The following ZNF561 variants were observed in gnomAD, a reference collection of about 807,000 sequenced individuals.
ZNF561 encodes zinc finger protein 561.
Under a neutral mutation model 16.7 loss-of-function variants are expected in ZNF561, and 16 were observed. The ratio of observed to expected loss-of-function variants is 0.96; its 90% CI spans 0.65 to 1.45. The LOEUF (loss-of-function observed/expected upper bound fraction) is 1.45. ZNF561 is among the 40% of genes most tolerant of loss of function. The pLI is 0.00. For synonymous variants in ZNF561, 190 were observed against 192.1 expected (o/e 0.99, Z 0.09); for missense variants, 580 against 578.0 (o/e 1.00, Z -0.04).
chr19:9,616,678 G>A (rs918545173), intron 4 of ZNF561, among the ~76,000 whole-genome samples: 30 of 151,086 alleles, frequency 2.0e-4, no homozygotes, highest in African/African-American at 6.6e-4. Flanking sequence ...TGCAAGATCC[G>A]CCTCCCGGGT....
intron 5 of ZNF561, among the ~76,000 whole-genome samples, chr19:9,612,061 G>A (rs931411098): frequency 6.6e-6 from 1 of 152,122 alleles, no homozygotes; most frequent in African/African-American, 2.4e-5. Context: ...CTGAGTAGCT[G>A]GGATTACAGG....
intron 5 of ZNF561, among the ~76,000 whole-genome samples, chr19:9,613,596 G>A (rs1000193576): frequency 6.6e-6 from 1 of 151,954 alleles, no homozygotes; most frequent in African/African-American, 2.4e-5. Flanking sequence ...TCAGCTCATT[G>A]CAACCTCTGC....
rs1011228718 is a variant in ZNF561 at position 9,617,936 on chromosome 19, T to C, written c.114+155A>G. 2.3e-5 allele frequency: 16 copies of C among 702,396 alleles called. No homozygotes were observed. In the Admixed American group the frequency reaches 3.0e-4, roughly 13 times the overall value. The allele number at this position is 702,396 out of a possible 1,614,324, so 43.5% of individuals were successfully genotyped here. On this transcript the variant is annotated intron_variant, in intron 3 of 5. Coordinates refer to ENST00000302851, the MANE Select transcript of ZNF561 (RefSeq NM_152289.3). Reference sequence around the variant, plus strand: ...AGTTAACATTTTATGTATAGGAGACTTCATTCCCTGGGGAAATTCATCTGG... The same window carrying C: ...AGTTAACATTTTATGTATAGGAGACCTCATTCCCTGGGGAAATTCATCTGG...
rs2074406729 is a variant in ZNF561 at position 9,609,445 on chromosome 19, TG to T, written c.*754del. The T allele has an allele frequency of 1.3e-5, 2 of 152,222 alleles. No homozygotes were observed. Among genetic ancestry groups the T allele is most frequent in the South Asian group, 4.1e-4 (2 of 4,832 alleles). 9.4% of individuals were successfully genotyped at this position (152,222 alleles called of 1,614,324 possible). Reference sequence around the variant, plus strand: ...AAAAAGGAACCAGAACTTGGAGATTTGGAAAATTCTCAGCCTATCCATAATG... The same window carrying T: ...AAAAAGGAACCAGAACTTGGAGATTTGAAAATTCTCAGCCTATCCATAATG... On this transcript the variant is annotated 3_prime_UTR_variant, in exon 6 of 6. Coordinates refer to ENST00000302851, the MANE Select transcript of ZNF561 (RefSeq NM_152289.3).
chr19:9,617,806 C>G (rs2074585223), intron 3 of ZNF561: 1 of 494,068 alleles, frequency 2.0e-6, no homozygotes. Context: ...ACACTTTCAT[C>G]TGCTTTATCA....
chr19:9,620,560 C>T (rs1175938356), intron 1 of ZNF561, among the ~76,000 whole-genome samples: 3 of 152,184 alleles, frequency 2.0e-5, no homozygotes, highest in Admixed American at 2.0e-4. Flanking sequence ...AAAACCTACA[C>T]TCAAACAACC....
intron 5 of ZNF561, among the ~76,000 whole-genome samples, 173 bp downstream of exon 5, chr19:9,613,848 T>C (rs1402931147): frequency 1.3e-5 from 2 of 152,190 alleles, no homozygotes; most frequent in African/African-American, 2.4e-5. Context: ...GATCTTACTA[T>C]ACTGCCTAGG....
intron 5 of ZNF561, among the ~76,000 whole-genome samples, chr19:9,611,837 G>A (rs1245349031): frequency 1.3e-5 from 2 of 152,126 alleles, no homozygotes; most frequent in East Asian, 3.9e-4. Context: ...CAAACTCCTG[G>A]CTGAGTTCAA....
chr19:9,617,400 T>A (rs904455228), intron 3 of ZNF561: 10 of 973,102 alleles, frequency 1.0e-5, no homozygotes, highest in Non-Finnish European at 1.3e-5. Context: ...AATCTTTTTT[T>A]GCTGATCTAT....
At chr19:9,615,023 A>C (rs1266355828) in intron 4 of ZNF561, among the ~76,000 whole-genome samples, 1 of 151,918 alleles carries the variant, frequency 6.6e-6, no homozygotes, top group Non-Finnish European at 1.5e-5. Flanking sequence ...TATTTTTAGT[A>C]GAGATGGGGT....
chr19:9,610,914 T>C lies in ZNF561; in HGVS notation c.747A>G (p.Gly249=). The C allele has an allele frequency of 6.2e-7, 1 of 1,614,194 alleles. No homozygotes were observed. The highest frequency in any genetic ancestry group is 8.5e-7 in the Non-Finnish European group (1 of 1,180,030). Residue 249 remains glycine (G), a synonymous_variant, in exon 6 of 6, where the codon GGA becomes GGG. Transcript: ENST00000302851. ...HLKQCVAVHT[G]KKSKKTKKCG... is the part of the protein sequence containing the mutation. ...ATTTCTTAGTCTTTTTGGATTTCTT[T>C]CCTGTATGAACTGCTACACACTGCT...
chr19:9,618,444 C>T (rs2074598671), intron 2 of ZNF561, among the ~76,000 whole-genome samples: 1 of 152,088 alleles, frequency 6.6e-6, no homozygotes. Context: ...ATGTGACTCT[C>T]GTCCAGGTGC....
chr19:9,610,539 G>A lies in ZNF561; in HGVS notation c.1122C>T (p.Phe374=). The A allele has an allele frequency of 1.2e-6, 2 of 1,613,944 alleles. No homozygotes were observed. Among genetic ancestry groups the A allele is most frequent in the Non-Finnish European group, 1.7e-6 (2 of 1,179,872 alleles). The change falls in exon 6 of 6, where the codon TTC becomes TTT. Residue 374 remains phenylalanine (F), a synonymous_variant. Coordinates refer to ENST00000302851, the MANE Select transcript of ZNF561 (RefSeq NM_152289.3). ...GCTGAATAAGACTTGTGGATGTAGT[G>A]AAGGCTTTCCCACATTCCTTACACT... is the stretch of plus-strand genomic sequence containing the variant. ...PYQCKECGKA[F]TTSTSLIQHT...
chr19:9,610,546 T>C lies in ZNF561; in HGVS notation c.1115A>G (p.Lys372Arg). 1 of 1,613,958 alleles carries C rather than the reference T, an allele frequency of 6.2e-7. No homozygotes were observed. ...AAGACTTGTGGATGTAGTGAAGGCTTTCCCACATTCCTTACACTGATAGGG... is the reference window on the plus strand; with the variant it reads ...AAGACTTGTGGATGTAGTGAAGGCTCTCCCACATTCCTTACACTGATAGGG... ...KKPYQCKECG[K>R]AFTTSTSLIQ... Residue 372 changes from lysine to arginine, a missense_variant, in exon 6 of 6, where the codon AAA becomes AGA. Coordinates refer to ENST00000302851, the MANE Select transcript of ZNF561 (RefSeq NM_152289.3).
Position 9,609,432 on chromosome 19 carries a change from G to C in ZNF561, c.*768C>G, listed in dbSNP as rs2074406329. 6.6e-6 allele frequency: 1 copy of C among 152,192 alleles called. No homozygotes were observed. The highest frequency in any genetic ancestry group is 6.5e-5 in the Admixed American group (1 of 15,276). The allele number at this position is 152,192 out of a possible 1,614,324, so 9.4% of individuals were successfully genotyped here. On this transcript the variant is annotated 3_prime_UTR_variant, in exon 6 of 6. Transcript: ENST00000302851. ...AAAATTGTTAAGGAAAAAGGAACCA[G>C]AACTTGGAGATTTGGAAAATTCTCA...
chr19:9,619,507 T>C lies in ZNF561; in HGVS notation c.-51A>G, dbSNP rs939222505. 1 of 1,606,700 alleles carries C rather than the reference T, an allele frequency of 6.2e-7. No homozygotes were observed. The highest frequency in any genetic ancestry group is 1.1e-5 in the South Asian group (1 of 90,768). On this transcript the variant is annotated 5_prime_UTR_variant, in exon 2 of 6. Coordinates refer to ENST00000302851, the MANE Select transcript of ZNF561 (RefSeq NM_152289.3). Reference sequence around the variant, plus strand: ...GTGCATCCCTTCCTTGATGCCAAGATCACCTCAGGCCAGCTTATGAATCTA... The same window carrying C: ...GTGCATCCCTTCCTTGATGCCAAGACCACCTCAGGCCAGCTTATGAATCTA...
Position 9,610,625 on chromosome 19 carries a change from A to G in ZNF561, c.1036T>C (p.Phe346Leu). Reference sequence around the variant, plus strand: ...ATAGAAAGGCCCGAGTACTGAGCAAAGGCTTGGCCACATTCCTTACATTCA... The same window carrying G: ...ATAGAAAGGCCCGAGTACTGAGCAAGGGCTTGGCCACATTCCTTACATTCA... Reference protein sequence around the residue: ...PYECKECGQAFAQYSGLSIHI... With the variant: ...PYECKECGQALAQYSGLSIHI... Residue 346 changes from phenylalanine (F) to leucine (L), a missense_variant, in exon 6 of 6, where the codon TTT becomes CTT. By Grantham distance (22) the Phe-to-Leu change is conservative. Transcript: ENST00000302851. 2 of 1,613,984 alleles carry G rather than the reference A, an allele frequency of 1.2e-6. No homozygotes were observed. The highest frequency in any genetic ancestry group is 1.7e-6 in the Non-Finnish European group (2 of 1,179,928).
In ZNF561 at chr19:9,610,038, G is replaced by C; in HGVS notation, c.*162C>G. The stretch of plus-strand genomic sequence containing the variant: ...CCTTCTTCACAGATGCCCAGACTCA[G>C]GCAACCATGATGTTGTATTCAGAAC... On this transcript the variant is annotated 3_prime_UTR_variant, in exon 6 of 6. Coordinates refer to ENST00000302851, the MANE Select transcript of ZNF561 (RefSeq NM_152289.3). 1 of 644,988 alleles carries C rather than the reference G, an allele frequency of 1.6e-6. No individual in the cohort carries two copies. The highest frequency in any genetic ancestry group is 2.6e-6 in the Non-Finnish European group (1 of 390,214). 40.0% of individuals were successfully genotyped at this position (644,988 alleles called of 1,614,324 possible).
chr19:9,612,233 T>C (rs1307753484), intron 5 of ZNF561, among the ~76,000 whole-genome samples: 1 of 151,024 alleles, frequency 6.6e-6, no homozygotes, highest in Non-Finnish European at 1.5e-5. Context: ...CCACCTCAGT[T>C]TATTTATTTT....
Sources: allele counts gnomAD v4.1 joint callset (sites outside exome capture counted in the v4.1 genomes callset), GRCh38; gene constraint gnomAD v4.1.1; transcripts MANE v1.5; gene names NCBI Gene and HGNC (gene_info 2026-07-23, HGNC 2026-07-21).